ALMS1: variants seen among roughly 807,000 people sequenced by gnomAD.
The protein encoded by ALMS1 is ALMS1 centrosome and basal body associated protein.
In ALMS1, 271 loss-of-function variants were observed where a neutral mutation model predicts 352.2. That is an observed-to-expected ratio of 0.77 (90% CI 0.70 to 0.85). The LOEUF is 0.85. ALMS1 is among the 40% of genes least tolerant of loss of function. The probability of loss-of-function intolerance (pLI) is 0.00; values close to 1 mark genes in which losing one functional copy is unlikely to be tolerated. For missense variants in ALMS1, 5,445 were observed against 4,870.7 expected, an observed-to-expected ratio of 1.12 and a Z score of -3.51; for synonymous variants, 1,865 against 1,761.2, an observed-to-expected ratio of 1.06 and a Z score of -1.48.
intron 10 of ALMS1, among the ~76,000 whole-genome samples, chr2:73,502,124 T>C (rs938637718): frequency 6.6e-6 from 1 of 152,140 alleles, no homozygotes; most frequent in African/African-American, 2.4e-5. Flanking sequence ...AATTTTAATT[T>C]TAATTTATTA....
chr2:73,518,048 A>G (rs990177745), intron 10 of ALMS1, among the ~76,000 whole-genome samples: 3 of 150,312 alleles, frequency 2.0e-5, no homozygotes, highest in Non-Finnish European at 4.4e-5. Context: ...TGTTTTACAG[A>G]TTATGTCATC....
At chr2:73,599,038 G>C (rs1355727495) in intron 16 of ALMS1, among the ~76,000 whole-genome samples, 1 of 152,090 alleles carries the variant, frequency 6.6e-6, no homozygotes, top group Non-Finnish European at 1.5e-5. Context: ...ACTCTTTTTA[G>C]CTATCTCCAG....
chr2:73,459,348 A>C (rs545435419), intron 9 of ALMS1: 1 of 152,330 alleles, frequency 6.6e-6, no homozygotes, highest in East Asian at 1.9e-4. Context: ...TGTGTTTTAC[A>C]TATTAATTAA....
chr2:73,550,173 T>C lies in ALMS1; in HGVS notation c.9908-94T>C. The C allele has an allele frequency of 2.2e-6, 3 of 1,392,622 alleles. No homozygotes were observed. In the South Asian group the frequency reaches 3.8e-5, roughly 18 times the overall value. 86.3% of individuals were successfully genotyped at this position (1,392,622 alleles called of 1,614,324 possible). A position where few individuals can be genotyped will look rare whatever the true frequency, so the allele number is the denominator to read the frequency against. On this transcript the variant is annotated intron_variant, in intron 12 of 22. Coordinates refer to ENST00000613296, the MANE Select transcript of ALMS1 (RefSeq NM_001378454.1). ...TCGTGCCTGGCCTGTAGTGCTTTTT[T>C]CATAGAATTGGTCTAAGAGGCAAAT...
chr2:73,559,792 C>T (rs1421764383), intron 15 of ALMS1, among the ~76,000 whole-genome samples: 1 of 152,118 alleles, frequency 6.6e-6, no homozygotes, highest in Non-Finnish European at 1.5e-5. Flanking sequence ...AGGATAGTCT[C>T]TTCAACAAAT....
At chr2:73,602,052 G>A (rs776903871) in intron 19 of ALMS1, 133 bp from the exon 20 acceptor site, 56 of 936,918 alleles carry the variant, frequency 6.0e-5, no homozygotes, top group Non-Finnish European at 8.7e-5. Context: ...ATTCTTCAAC[G>A]CTAGATACTT....
intron 17 of ALMS1, among the ~76,000 whole-genome samples, chr2:73,600,224 G>A (rs1558711038): frequency 6.6e-6 from 1 of 152,170 alleles, no homozygotes; most frequent in Non-Finnish European, 1.5e-5. Context: ...GAAGTGGGAA[G>A]GAGGATTTTT....
intron 12 of ALMS1, among the ~76,000 whole-genome samples, chr2:73,535,296 A>C (rs1674004461): frequency 1.3e-5 from 2 of 152,182 alleles, no homozygotes; most frequent in Admixed American, 6.5e-5. Flanking sequence ...TTCAAATAGC[A>C]ACTAAGGAAT....
In ALMS1 at chr2:73,572,686, C is replaced by T; in HGVS notation, c.10809C>T (p.Asn3603=). ...QHTVSLNELW[N]KYRERQRQQR... ...CTGTGAGTTTGAATGAACTGTGGAA[C>T]AAGTATCGGGAGCGACAGAGGCAAC... Residue 3603 remains asparagine, a synonymous_variant, in exon 16 of 23, where the codon AAC becomes AAT. Coordinates refer to ENST00000613296, the MANE Select transcript of ALMS1 (RefSeq NM_001378454.1). 2 of 1,614,006 alleles carry T rather than the reference C, an allele frequency of 1.2e-6. No individual in the cohort carries two copies. The highest frequency in any genetic ancestry group is 1.7e-6 in the Non-Finnish European group (2 of 1,179,992).
At chr2:73,603,190 C>T (rs748677640) in intron 20 of ALMS1, 51 bp from the exon 21 acceptor site, 6 of 1,578,264 alleles carry the variant, frequency 3.8e-6, no homozygotes, top group East Asian at 2.2e-5. Context: ...TTGCACCACA[C>T]CCTCTGGGTT....
chr2:73,587,923 G>T (rs1365915313), intron 16 of ALMS1, among the ~76,000 whole-genome samples: 1 of 152,134 alleles, frequency 6.6e-6, no homozygotes, highest in African/African-American at 2.4e-5. Flanking sequence ...ATCTAGAGGA[G>T]ATGATTAAAT....
At chr2:73,603,192 C>G (rs1272410002) in intron 20 of ALMS1, 49 bp from the exon 21 acceptor site, 1 of 1,586,410 alleles carries the variant, frequency 6.3e-7, no homozygotes, top group Non-Finnish European at 8.7e-7. Context: ...GCACCACACC[C>G]TCTGGGTTAA....
intron 16 of ALMS1, among the ~76,000 whole-genome samples, chr2:73,597,333 T>A (rs1675573684): frequency 6.6e-6 from 1 of 152,112 alleles, no homozygotes; most frequent in Non-Finnish European, 1.5e-5. Flanking sequence ...GAGGATTCCT[T>A]AGTATTTTCT....
chr2:73,395,074 ATATATTTTTT>A (rs1670732595), intron 1 of ALMS1, among the ~76,000 whole-genome samples: 2 of 101,212 alleles, frequency 2.0e-5, no homozygotes, highest in African/African-American at 1.0e-4. Context: ...ATATATATAT[ATATATTTTTT>A]TTTTTTTTTT....
At chr2:73,524,673 G>A (rs186994966) in intron 11 of ALMS1, among the ~76,000 whole-genome samples, 64 of 152,168 alleles carry the variant, frequency 4.2e-4, no homozygotes, top group Non-Finnish European at 7.4e-4. Flanking sequence ...GGCTGGTCTC[G>A]AACTCCTGAT....
At chr2:73,443,865 T>G (rs1671761292) in intron 7 of ALMS1, among the ~76,000 whole-genome samples, 1 of 152,228 alleles carries the variant, frequency 6.6e-6, no homozygotes, top group Non-Finnish European at 1.5e-5. Flanking sequence ...ATGTCAGTTG[T>G]AATGAAGGCC....
intron 2 of ALMS1, among the ~76,000 whole-genome samples, chr2:73,414,472 CG>C (rs1366635054): frequency 2.3e-4 from 8 of 34,342 alleles, no homozygotes; most frequent in African/African-American, 3.0e-4. Context: ...TCTTTTTTTC[CG>C]TTTTTTTTTT....
At chr2:73,549,560 C>T (rs1030219771) in intron 12 of ALMS1, among the ~76,000 whole-genome samples, 1 of 152,124 alleles carries the variant, frequency 6.6e-6, no homozygotes, top group Non-Finnish European at 1.5e-5. Flanking sequence ...TTAAATACTT[C>T]TTTTCTTTGC....
chr2:73,548,044 A>G (rs1674357214), intron 12 of ALMS1, among the ~76,000 whole-genome samples: 1 of 152,120 alleles, frequency 6.6e-6, no homozygotes, highest in Admixed American at 6.5e-5. Context: ...GTGGAGATTG[A>G]GGAAAAAGCA....
Sources: gnomAD v4.1 joint callset for allele counts (sites outside exome capture counted in the v4.1 genomes callset) on GRCh38, gnomAD v4.1.1 for gene constraint, MANE v1.5 for transcripts, NCBI Gene and HGNC (gene_info 2026-07-23, HGNC 2026-07-21) for gene names.